ITGB8: variants seen among roughly 807,000 people sequenced by gnomAD.
The protein encoded by ITGB8 is integrin subunit beta 8.
Under a neutral mutation model 89.5 loss-of-function variants are expected in ITGB8, and 30 were observed. The observed-to-expected ratio is 0.34, with a 90% CI of 0.25 to 0.45. The LOEUF (loss-of-function observed/expected upper bound fraction) is 0.45, where lower values mean the gene tolerates loss of function less well. Ranked by LOEUF, ITGB8 falls within the 20% of genes least tolerant of loss-of-function variation. The pLI, the probability that ITGB8 is intolerant of heterozygous loss-of-function variation, is 1.00. For missense variants in ITGB8, 836 were observed against 933.3 expected (o/e 0.90, Z 1.36); for synonymous variants, 335 against 320.4 (o/e 1.05, Z -0.49).
rs1442310263 is a variant in ITGB8 at position 20,331,718 on chromosome 7, G to GC, written c.-86dup. 3 of 1,433,132 alleles carry GC rather than the reference G, an allele frequency of 2.1e-6. No homozygotes were observed. The East Asian group carries it at 7.6e-5, about 36-fold the overall frequency. 88.8% of individuals were successfully genotyped at this position (1,433,132 alleles called of 1,614,324 possible). ...GCGGAAAACGTCCTAGCGACACTCG[G>GC]CCCGCGGGCCCCGAGGTGCGCCCGG... On this transcript the variant is annotated 5_prime_UTR_variant, in exon 1 of 14. Coordinates refer to ENST00000222573, the MANE Select transcript of ITGB8 (RefSeq NM_002214.3).
chr7:20,331,598 C>CGGGA lies in ITGB8; in HGVS notation c.-205_-202dup. 1 of 497,788 alleles carries CGGGA rather than the reference C, an allele frequency of 2.0e-6. No individual in the cohort carries two copies. Among genetic ancestry groups the CGGGA allele is most frequent in the Non-Finnish European group, 3.3e-6 (1 of 302,316 alleles). 30.8% of individuals were successfully genotyped at this position (497,788 alleles called of 1,614,324 possible). A position where few individuals can be genotyped will look rare whatever the true frequency, so the allele number is the denominator to read the frequency against. On this transcript the variant is annotated 5_prime_UTR_variant, in exon 1 of 14. The change abolishes the stop of an existing upstream ORF in the 5' untranslated region. Transcript: ENST00000222573. Reference sequence around the variant, plus strand: ...GACCGCGGGACCCGCCGTGCCGAGCCGGGAGGGCCGCAGGGGCCCTGAGAT... The same window carrying CGGGA: ...GACCGCGGGACCCGCCGTGCCGAGCCGGGAGGGAGGGCCGCAGGGGCCCTGAGAT...
At chr7:20,392,975 G>A (rs1165499376) in intron 7 of ITGB8, among the ~76,000 whole-genome samples, 1 of 152,140 alleles carries the variant, frequency 6.6e-6, no homozygotes, top group African/African-American at 2.4e-5. Context: ...CAGGCATTGA[G>A]TTTGTAAATA....
chr7:20,341,779 G>T (rs530887805), intron 1 of ITGB8, among the ~76,000 whole-genome samples: 1 of 152,204 alleles, frequency 6.6e-6, no homozygotes, highest in South Asian at 2.1e-4. Flanking sequence ...CCTGAGGTTG[G>T]ATTATCTGGT....
intron 7 of ITGB8, among the ~76,000 whole-genome samples, chr7:20,394,285 A>G (rs966770578): frequency 2.6e-5 from 4 of 152,214 alleles, no homozygotes; most frequent in African/African-American, 9.6e-5. Flanking sequence ...TCTTCGATTC[A>G]TGCAGACCTT....
intron 1 of ITGB8, among the ~76,000 whole-genome samples, chr7:20,338,824 A>G (rs1029739239): frequency 1.3e-5 from 2 of 152,158 alleles, no homozygotes; most frequent in Non-Finnish European, 2.9e-5. Context: ...CTCTCTTGCA[A>G]ATCATGTTAC....
At chr7:20,372,038 G>T (rs1314442096) in intron 3 of ITGB8, among the ~76,000 whole-genome samples, 2 of 151,716 alleles carry the variant, frequency 1.3e-5, no homozygotes, top group Non-Finnish European at 2.9e-5. Flanking sequence ...CTCTTTTTTT[G>T]TGTGTGATTT....
rs11296776 is a variant in ITGB8, at chr7:20,339,191, G to GA, written c.127+7275dup. 3.8e-3 allele frequency among the ~76,000 whole-genome samples: 405 copies of GA among 107,686 alleles called. 2 individuals carry two copies. Among genetic ancestry groups the GA allele is most frequent in the South Asian group, 7.9e-3 (25 of 3,158 alleles). The allele number at this position is 107,686 out of a possible 152,430, so 70.6% of individuals were successfully genotyped here. On this transcript the variant is annotated intron_variant, in intron 1 of 13. Transcript: ENST00000222573. ...TGGCGACAGAGCGAGACTCCATCTC[G>GA]AAAAAAAAAAAAAAAAACAACTTAG...
At chr7:20,336,508 A>G (rs1222637640) in intron 1 of ITGB8, among the ~76,000 whole-genome samples, 1 of 152,230 alleles carries the variant, frequency 6.6e-6, no homozygotes, top group Non-Finnish European at 1.5e-5. Flanking sequence ...CCTGTTTTTG[A>G]AACAAATAAA....
chr7:20,376,030 G>A (rs1034574445), intron 3 of ITGB8, among the ~76,000 whole-genome samples: 1 of 152,146 alleles, frequency 6.6e-6, no homozygotes, highest in Non-Finnish European at 1.5e-5. Flanking sequence ...TGGGAGGAAG[G>A]AGGAAAAGTG....
In ITGB8 at chr7:20,405,314, A is replaced by AAT. The variant is rs200833949; in HGVS notation, c.1913+474_1913+475dup. Among the ~76,000 whole-genome samples the AAT allele has an allele frequency of 4.3e-3, 627 of 145,516 alleles. 8 individuals carry two copies. Among genetic ancestry groups the AAT allele is most frequent in the African/African-American group, 0.015 (577 of 37,794 alleles). ...GCTGTTACTGCTATGTTTTATATTTAATATATATATATATTTTTTTTTTGT... is the reference window on the plus strand; with the variant it reads ...GCTGTTACTGCTATGTTTTATATTTAATATATATATATATATTTTTTTTTTGT... On this transcript the variant is annotated intron_variant, in intron 11 of 13. Transcript: ENST00000222573.
intron 7 of ITGB8, among the ~76,000 whole-genome samples, chr7:20,392,648 A>G (rs973940655): frequency 6.6e-6 from 1 of 152,132 alleles, no homozygotes; most frequent in Non-Finnish European, 1.5e-5. Flanking sequence ...TGTACCCATT[A>G]AGTGATTTCT....
intron 1 of ITGB8, 122 bp from the exon 2 acceptor site, chr7:20,363,514 TA>T: frequency 2.1e-6 from 1 of 482,392 alleles, no homozygotes; most frequent in Non-Finnish European, 3.6e-6. Context: ...ATTTTTGTAA[TA>T]AAAGGTCCTC....
At chr7:20,339,775 C>T (rs1784692937) in intron 1 of ITGB8, among the ~76,000 whole-genome samples, 1 of 152,164 alleles carries the variant, frequency 6.6e-6, no homozygotes, top group Non-Finnish European at 1.5e-5. Context: ...CATCTGTAAT[C>T]TCAGCACTTT....
intron 12 of ITGB8, among the ~76,000 whole-genome samples, chr7:20,407,505 C>G (rs1787594919): frequency 6.6e-6 from 1 of 152,112 alleles, no homozygotes; most frequent in Non-Finnish European, 1.5e-5. Context: ...TATTTCAAGT[C>G]TCTCCCACCT....
intron 5 of ITGB8, 127 bp downstream of exon 5, chr7:20,380,958 T>G: frequency 6.6e-6 from 5 of 762,636 alleles, no homozygotes; most frequent in Non-Finnish European, 6.4e-6. Flanking sequence ...TTACTATCTC[T>G]TACTCCTCAC....
chr7:20,381,558 G>A (rs751696773), intron 5 of ITGB8, 169 bp from the exon 6 acceptor site: 8 of 534,148 alleles, frequency 1.5e-5, no homozygotes, highest in Non-Finnish European at 2.6e-5. Flanking sequence ...GGAAAATAGA[G>A]GATGTACAAA....
In ITGB8 at chr7:20,412,474, A is replaced by AAT. The variant is rs1787797269; in HGVS notation, c.*2478_*2479dup. 1 of 152,622 alleles carries AAT rather than the reference A, an allele frequency of 6.6e-6. No homozygotes were observed. Among genetic ancestry groups the AAT allele is most frequent in the Non-Finnish European group, 1.5e-5 (1 of 68,038 alleles). The allele number at this position is 152,622 out of a possible 1,614,324, so 9.5% of individuals were successfully genotyped here. A position where few individuals can be genotyped will look rare whatever the true frequency, so the allele number is the denominator to read the frequency against. ...TTATGATATTTATGAACAATAAACA[A>AAT]ATTTCCGTATGGAATGAATTATCCA... On this transcript the variant is annotated 3_prime_UTR_variant, in exon 14 of 14. Transcript: ENST00000222573.
chr7:20,376,687 T>C (rs1363881162), intron 3 of ITGB8, among the ~76,000 whole-genome samples: 3 of 152,112 alleles, frequency 2.0e-5, no homozygotes, highest in Non-Finnish European at 2.9e-5. Context: ...CAGAGCACGA[T>C]TTGGGGTCAG....
chr7:20,352,147 T>A (rs1785135268), intron 1 of ITGB8, among the ~76,000 whole-genome samples: 1 of 152,248 alleles, frequency 6.6e-6, no homozygotes, highest in Non-Finnish European at 1.5e-5. Context: ...AATGCAGCTT[T>A]AACCAGAATT....
Sources: allele counts gnomAD v4.1 joint callset (sites outside exome capture counted in the v4.1 genomes callset), GRCh38; gene constraint gnomAD v4.1.1; transcripts MANE v1.5; gene names NCBI Gene and HGNC (gene_info 2026-07-23, HGNC 2026-07-21).